Variants in CTNNA2 observed in about 807,000 individuals in gnomAD.
CTNNA2 encodes the protein catenin alpha 2, also known as catenin alpha-2.
In CTNNA2, 42 loss-of-function variants were observed where a neutral mutation model predicts 101.0. That is an observed-to-expected ratio of 0.42 (90% CI 0.32 to 0.54). The LOEUF is 0.54. CTNNA2 is among the 20% of genes least tolerant of loss of function. CTNNA2 has a pLI of 0.14. For synonymous variants in CTNNA2, 450 were observed against 456.4 expected (o/e 0.99, Z 0.18); for missense variants, 871 against 1,223.1 (o/e 0.71, Z 4.29).
At chr2:80,088,317 A>T (rs1558795888) in intron 7 of CTNNA2, among the ~76,000 whole-genome samples, 1 of 152,012 alleles carries the variant, frequency 6.6e-6, no homozygotes, top group Non-Finnish European at 1.5e-5. Flanking sequence ...GGCAGACACC[A>T]TGTAGTTATC....
intron 1 of CTNNA2, among the ~76,000 whole-genome samples, chr2:79,576,365 G>A (rs1222217841): frequency 6.6e-6 from 1 of 152,158 alleles, no homozygotes; most frequent in Non-Finnish European, 1.5e-5. Context: ...AGTGGTAATT[G>A]TATCAGTGTA....
intron 7 of CTNNA2, among the ~76,000 whole-genome samples, chr2:80,309,364 C>T (rs1343281486): frequency 6.6e-6 from 1 of 152,166 alleles, no homozygotes; most frequent in Non-Finnish European, 1.5e-5. Context: ...AAAGCAATCC[C>T]TTTTTCTTCT....
intron 1 of CTNNA2, among the ~76,000 whole-genome samples, chr2:79,538,117 A>C (rs1449219405): frequency 6.6e-6 from 1 of 152,192 alleles, no homozygotes; most frequent in African/African-American, 2.4e-5. Context: ...ATAGTTTGTA[A>C]AAAACAAAGA....
intron 7 of CTNNA2, among the ~76,000 whole-genome samples, chr2:80,135,317 G>T (rs2148900633): frequency 6.6e-6 from 1 of 152,330 alleles, no homozygotes; most frequent in South Asian, 2.1e-4. Flanking sequence ...GATGTCAGCG[G>T]CTCAAAAGCC....
At chr2:80,469,313 ATTGTTTGATAAACAGAC>A (rs1436063788) in intron 9 of CTNNA2, among the ~76,000 whole-genome samples, 1 of 152,218 alleles carries the variant, frequency 6.6e-6, no homozygotes, top group Non-Finnish European at 1.5e-5. Context: ...GTAATTGATA[ATTGTTTGATAAACAGAC>A]TTGTGTCTCC....
At chr2:80,616,030 A>G (rs1698824439) in intron 17 of CTNNA2, among the ~76,000 whole-genome samples, 1 of 151,618 alleles carries the variant, frequency 6.6e-6, no homozygotes, top group African/African-American at 2.4e-5. Flanking sequence ...TCAATACTGT[A>G]TCTTGTTTTA....
At chr2:79,638,961 GTTAAT>G (rs1680265841) in intron 1 of CTNNA2, among the ~76,000 whole-genome samples, 2 of 152,000 alleles carry the variant, frequency 1.3e-5, no homozygotes, top group Non-Finnish European at 2.9e-5. Context: ...CATAGCCTCG[GTTAAT>G]TTGTTTCCTG....
intron 7 of CTNNA2, among the ~76,000 whole-genome samples, chr2:80,069,125 G>A (rs1698166466): frequency 6.6e-6 from 1 of 152,114 alleles, no homozygotes; most frequent in Non-Finnish European, 1.5e-5. Context: ...AATGTCCAAG[G>A]GCAGAGAAGA....
intron 6 of CTNNA2, among the ~76,000 whole-genome samples, chr2:79,881,662 A>G (rs576651952): frequency 6.6e-6 from 1 of 151,310 alleles, no homozygotes; most frequent in Non-Finnish European, 1.5e-5. Flanking sequence ...TTGCTTGGTA[A>G]GTTTTCCACC....
intron 3 of CTNNA2, among the ~76,000 whole-genome samples, chr2:79,798,495 A>T (rs895634487): frequency 2.6e-5 from 4 of 151,790 alleles, no homozygotes; most frequent in Non-Finnish European, 4.4e-5. Context: ...AAAAATGCAG[A>T]ATAGGAGATG....
intron 7 of CTNNA2, among the ~76,000 whole-genome samples, chr2:80,015,362 A>C (rs113523343): frequency 0.022 from 3,373 of 152,266 alleles, 64 homozygotes; most frequent in Non-Finnish European, 0.035. Context: ...TCAGTAATAG[A>C]TATGACAATA....
chr2:79,308,027 T>A (rs1461362805), intron 2 of CTNNA2, among the ~76,000 whole-genome samples: 2 of 152,148 alleles, frequency 1.3e-5, no homozygotes, highest in Non-Finnish European at 2.9e-5. Flanking sequence ...TTGAGAAATG[T>A]CTATTCAGAT....
chr2:79,346,358 C>T (rs1321859068), intron 3 of CTNNA2, among the ~76,000 whole-genome samples: 2 of 152,084 alleles, frequency 1.3e-5, no homozygotes, highest in Non-Finnish European at 2.9e-5. Flanking sequence ...TTTTTCTGAA[C>T]CTAACTCTTC....
chr2:79,856,016 G>T (rs1264182134), intron 3 of CTNNA2, among the ~76,000 whole-genome samples: 1 of 152,150 alleles, frequency 6.6e-6, no homozygotes, highest in Admixed American at 6.5e-5. Context: ...GTAACCCTGT[G>T]GCAAGGGTAG....
intron 7 of CTNNA2, among the ~76,000 whole-genome samples, chr2:80,292,484 G>A (rs1675349346): frequency 1.3e-5 from 2 of 152,062 alleles, no homozygotes; most frequent in Admixed American, 1.3e-4. Context: ...GAACGAGGAG[G>A]GATGAAGGCT....
chr2:79,562,666 A>G (rs1674852153), intron 1 of CTNNA2, among the ~76,000 whole-genome samples: 1 of 152,116 alleles, frequency 6.6e-6, no homozygotes, highest in African/African-American at 2.4e-5. Flanking sequence ...TTTTAACTTT[A>G]ACATTTATAG....
chr2:79,412,028 C>T (rs1678419016), intron 4 of CTNNA2, among the ~76,000 whole-genome samples: 1 of 151,680 alleles, frequency 6.6e-6, no homozygotes, highest in Non-Finnish European at 1.5e-5. Context: ...CACATAGGCT[C>T]AAAATAAAAG....
At chr2:79,416,276 T>A in intron 4 of CTNNA2, among the ~76,000 whole-genome samples, 1 of 145,446 alleles carries the variant, frequency 6.9e-6, no homozygotes, top group Non-Finnish European at 1.5e-5. Flanking sequence ...TTTTTTTTTT[T>A]TTTTTGGCCA....
chr2:80,439,332 T>C (rs925838634), intron 9 of CTNNA2, among the ~76,000 whole-genome samples: 4 of 152,206 alleles, frequency 2.6e-5, no homozygotes, highest in African/African-American at 9.6e-5. Flanking sequence ...GTTATATGAA[T>C]AAATGAAGCA....
Sources: allele counts gnomAD v4.1 joint callset (sites outside exome capture counted in the v4.1 genomes callset), GRCh38; gene constraint gnomAD v4.1.1; transcripts MANE v1.5; gene names NCBI Gene and HGNC (gene_info 2026-07-23, HGNC 2026-07-21).